The following EPHA6 variants were observed in gnomAD, a reference collection of about 807,000 sequenced individuals.
EPHA6 encodes the protein ephrin type-A receptor 6.
In EPHA6, 50 loss-of-function variants were observed where a neutral mutation model predicts 112.0. The observed-to-expected ratio is 0.45, with a 90% CI of 0.36 to 0.56. The LOEUF (loss-of-function observed/expected upper bound fraction) is 0.56. Among genes scored for constraint, EPHA6 ranks in the 20% least tolerant of loss-of-function variants. The pLI is 0.00. For missense variants in EPHA6, 1,280 were observed against 1,417.4 expected (o/e 0.90, Z 1.56); for synonymous variants, 529 against 490.7 (o/e 1.08, Z -1.03).
chr3:97,031,019 A>C (rs1271857405), intron 3 of EPHA6, among the ~76,000 whole-genome samples: 2 of 152,030 alleles, frequency 1.3e-5, no homozygotes, highest in African/African-American at 2.4e-5. Flanking sequence ...TAAGTTATTC[A>C]GGGGAGGAGT....
intron 1 of EPHA6, among the ~76,000 whole-genome samples, chr3:96,816,161 T>C (rs1171481660): frequency 6.6e-6 from 1 of 152,188 alleles, no homozygotes; most frequent in East Asian, 1.9e-4. Context: ...TATATGGCCA[T>C]TTTACTTAGA....
At chr3:97,516,810 T>C (rs1459532481) in intron 10 of EPHA6, among the ~76,000 whole-genome samples, 6 of 152,320 alleles carry the variant, frequency 3.9e-5, no homozygotes, top group East Asian at 3.9e-4. Flanking sequence ...AAAGATACTA[T>C]GCAAATTTTA....
chr3:97,282,537 G>A (rs567720875), intron 5 of EPHA6, among the ~76,000 whole-genome samples: 21 of 152,118 alleles, frequency 1.4e-4, no homozygotes, highest in African/African-American at 2.4e-4. Flanking sequence ...ACATGCATGC[G>A]TATGTTTATT....
intron 14 of EPHA6, among the ~76,000 whole-genome samples, chr3:97,675,071 A>G (rs1192530759): frequency 6.6e-6 from 1 of 152,178 alleles, no homozygotes; most frequent in Non-Finnish European, 1.5e-5. Context: ...ACAGCACATT[A>G]TTATTCTGTG....
Position 96,939,552 on chromosome 3 carries a change from C to A in EPHA6, c.451-47778C>A, listed in dbSNP as rs181069056. On this transcript the variant is annotated intron_variant, in intron 2 of 17. Transcript: ENST00000389672. ...CAATTTTGTTGATCTTTTCAAAAAA[C>A]CAGCTCCTGGATTCATTAACTTTTT... Among the ~76,000 whole-genome samples the A allele has an allele frequency of 3.3e-5, 5 of 152,218 alleles. No homozygotes were observed. The East Asian group carries it at 9.6e-4, about 29-fold the overall frequency.
chr3:97,048,394 A>T (rs566355519), intron 3 of EPHA6, among the ~76,000 whole-genome samples: 2 of 152,306 alleles, frequency 1.3e-5, no homozygotes, highest in South Asian at 2.1e-4. Flanking sequence ...ATCGTCACAA[A>T]TGGCTTAAAT....
chr3:97,159,418 A>G (rs1160237603), intron 3 of EPHA6, among the ~76,000 whole-genome samples: 2 of 152,180 alleles, frequency 1.3e-5, no homozygotes, highest in Non-Finnish European at 2.9e-5. Context: ...GCTAGGCCAG[A>G]AGAACATAAG....
At chr3:96,835,928 A>G (rs866005723) in intron 1 of EPHA6, among the ~76,000 whole-genome samples, 13 of 152,244 alleles carry the variant, frequency 8.5e-5, no homozygotes, top group Middle Eastern at 3.4e-3. Context: ...ATGCAAAAAT[A>G]TTGCCAAGAA....
chr3:97,044,321 A>G lies in EPHA6; in HGVS notation c.1114+56328A>G, dbSNP rs563586051. Among the ~76,000 whole-genome samples the G allele has an allele frequency of 2.6e-5, 4 of 152,326 alleles. No homozygotes were observed. The East Asian group carries it at 7.7e-4, about 29-fold the overall frequency. ...CAAACACTTCAAGCAAGAAAATGAA[A>G]TTAACTTTTGACTAATCAACCTGTA... On this transcript the variant is annotated intron_variant, in intron 3 of 17. Transcript: ENST00000389672.
chr3:97,372,522 G>A (rs1432643286), intron 5 of EPHA6, among the ~76,000 whole-genome samples: 1 of 152,082 alleles, frequency 6.6e-6, no homozygotes, highest in Non-Finnish European at 1.5e-5. Context: ...GCAATAATTT[G>A]AAAATGACCT....
chr3:97,687,348 A>G (rs949384975), intron 14 of EPHA6, among the ~76,000 whole-genome samples: 1 of 152,194 alleles, frequency 6.6e-6, no homozygotes, highest in African/African-American at 2.4e-5. Context: ...TAGAAGTACA[A>G]GTAGTTATAT....
chr3:96,938,889 T>C (rs973866628), intron 2 of EPHA6, among the ~76,000 whole-genome samples: 7 of 152,236 alleles, frequency 4.6e-5, no homozygotes, highest in Non-Finnish European at 8.8e-5. Flanking sequence ...TTTGGTTCTG[T>C]TTACATGCTG....
intron 5 of EPHA6, among the ~76,000 whole-genome samples, chr3:97,332,421 G>A (rs563640120): frequency 1.3e-5 from 2 of 151,974 alleles, no homozygotes; most frequent in Non-Finnish European, 2.9e-5. Flanking sequence ...AATCAGGCAG[G>A]AGAAGGAAAT....
chr3:97,582,234 G>T (rs1442216697), intron 11 of EPHA6, among the ~76,000 whole-genome samples: 1 of 152,014 alleles, frequency 6.6e-6, no homozygotes, highest in Non-Finnish European at 1.5e-5. Flanking sequence ...TCTCCATAGT[G>T]GTCAGGCAGG....
At chr3:97,109,776 C>G (rs759157687) in intron 3 of EPHA6, among the ~76,000 whole-genome samples, 6 of 152,080 alleles carry the variant, frequency 3.9e-5, no homozygotes, top group Non-Finnish European at 8.8e-5. Context: ...ACAAGATGGA[C>G]AGAGGCTCCT....
chr3:97,099,399 T>C (rs2047339073), intron 3 of EPHA6, among the ~76,000 whole-genome samples: 1 of 151,932 alleles, frequency 6.6e-6, no homozygotes, highest in Non-Finnish European at 1.5e-5. Flanking sequence ...TGCATATAAT[T>C]TGTCTTTTGA....
At chr3:97,210,579 T>C (rs1474560896) in intron 3 of EPHA6, among the ~76,000 whole-genome samples, 3 of 152,148 alleles carry the variant, frequency 2.0e-5, no homozygotes, top group South Asian at 4.1e-4. Context: ...CTTCCCTAGA[T>C]TGCAAAATAA....
intron 2 of EPHA6, among the ~76,000 whole-genome samples, chr3:96,985,936 A>G (rs543093222): frequency 2.0e-5 from 3 of 152,278 alleles, no homozygotes; most frequent in South Asian, 4.1e-4. Context: ...GTGTTAAATA[A>G]TCTTATTATA....
At chr3:96,853,125 C>T (rs758176497) in intron 1 of EPHA6, among the ~76,000 whole-genome samples, 3 of 152,056 alleles carry the variant, frequency 2.0e-5, no homozygotes, top group Admixed American at 6.6e-5. Context: ...CAGTTTGCTC[C>T]TCTAAGGCAT....
Sources: gnomAD v4.1 joint callset for allele counts (sites outside exome capture counted in the v4.1 genomes callset) on GRCh38, gnomAD v4.1.1 for gene constraint, MANE v1.5 for transcripts, NCBI Gene and HGNC (gene_info 2026-07-23, HGNC 2026-07-21) for gene names.